The following SEC16A variants were observed in gnomAD, a reference collection of about 807,000 sequenced individuals.
SEC16A encodes protein transport protein Sec16A.
A neutral mutation model predicts 221.9 loss-of-function variants in SEC16A; 110 were observed. The ratio of observed to expected loss-of-function variants is 0.50; its 90% CI spans 0.42 to 0.58. The LOEUF is 0.58. Ranked by LOEUF, SEC16A falls within the 20% of genes least tolerant of loss-of-function variation. The probability of loss-of-function intolerance (pLI) is 0.00; values close to 1 mark genes in which losing one functional copy is unlikely to be tolerated. For missense variants in SEC16A, 3,165 were observed against 3,097.8 expected, an observed-to-expected ratio of 1.02 and a Z score of -0.52; for synonymous variants, 1,393 against 1,257.7, an observed-to-expected ratio of 1.11 and a Z score of -2.28.
In SEC16A at chr9:136,466,229, AACCGT is replaced by A; in HGVS notation, c.4128+30_4128+34del. 1 of 1,583,786 alleles carries A rather than the reference AACCGT, an allele frequency of 6.3e-7. No homozygotes were observed. Among genetic ancestry groups the A allele is most frequent in the Non-Finnish European group, 8.6e-7 (1 of 1,162,716 alleles). The stretch of plus-strand genomic sequence containing the variant: ...CAAACAGGATGGTGGTTCTAAACAC[AACCGT>A]CCGCGTGTCTGTGAGGCGCCGCCGC... On this transcript the variant is annotated intron_variant, in intron 7 of 31. Coordinates refer to ENST00000684901, the MANE Select transcript of SEC16A (RefSeq NM_014866.2). This position sits in a 1 kb window ranked among gnomAD's most constrained non-coding sequence, Gnocchi z 5.5.
In SEC16A at chr9:136,474,588, T is replaced by TTCTGAGAATGG; in HGVS notation, c.3027_3028insCCATTCTCAGA (p.Asn1010ProfsTer458). 1 of 1,612,948 alleles carries TTCTGAGAATGG rather than the reference T, an allele frequency of 6.2e-7. No individual in the cohort carries two copies. The highest frequency in any genetic ancestry group is 8.5e-7 in the Non-Finnish European group (1 of 1,179,818). Reference sequence around the variant, plus strand: ...GCGAGGCTGTCAGAATGGGACGGGTTGTACACGTTTACAGGATTTTCCAAA... The same window carrying TTCTGAGAATGG: ...GCGAGGCTGTCAGAATGGGACGGGTTTCTGAGAATGGGTACACGTTTACAGGATTTTCCAAA... On this transcript the variant is annotated frameshift_variant, in exon 3 of 32. Coordinates refer to ENST00000684901, the MANE Select transcript of SEC16A (RefSeq NM_014866.2). LOFTEE classifies it high-confidence loss of function.
At chr9:136,443,203 T>A (rs1192059645) in intron 31 of SEC16A, among the ~76,000 whole-genome samples, 1 of 149,660 alleles carries the variant, frequency 6.7e-6, no homozygotes, top group Non-Finnish European at 1.5e-5. Context: ...GCAAAGCGAA[T>A]ACAGGAGCAC....
intron 20 of SEC16A, 31 bp from the exon 21 acceptor site, chr9:136,454,358 G>T: frequency 6.5e-7 from 1 of 1,541,870 alleles, no homozygotes; most frequent in South Asian, 1.2e-5. Flanking sequence ...AGAGGTCTGG[G>T]GTTACTGAGG....
intron 20 of SEC16A, among the ~76,000 whole-genome samples, chr9:136,454,739 C>T (rs1838366946): frequency 6.6e-6 from 1 of 152,246 alleles, no homozygotes; most frequent in African/African-American, 2.4e-5. Context: ...CCTACCAGCA[C>T]CATGCTGGGC....
chr9:136,484,554 G>C, upstream of SEC16A: 1 of 1,311,414 alleles, frequency 7.6e-7, no homozygotes, highest in Non-Finnish European at 1.0e-6. Context: ...GGGGGTGCCC[G>C]CCCGATGGCA....
At chr9:136,448,599 T>C in intron 23 of SEC16A, 2 of 636,422 alleles carry the variant, frequency 3.1e-6, no homozygotes, top group South Asian at 1.5e-5. Flanking sequence ...AGGATGGAGG[T>C]GGGGAGCAGA....
In SEC16A at chr9:136,458,255, C is replaced by T. The variant is rs552253256; in HGVS notation, c.5410-671G>A. Among the ~76,000 whole-genome samples, 31 of 152,036 alleles carry T rather than the reference C, an allele frequency of 2.0e-4. No individual in the cohort carries two copies. In the South Asian group the frequency reaches 5.0e-3, roughly 24 times the overall value. The stretch of plus-strand genomic sequence containing the variant: ...AAGTGCTGGGATTACAGGCATGAGC[C>T]GCCATGCTCAGCCTCTCATGTATGT... On this transcript the variant is annotated intron_variant, in intron 17 of 31. Transcript: ENST00000684901.
chr9:136,452,769 GAAAAAAAAAAAA>G (rs35228326), intron 22 of SEC16A, among the ~76,000 whole-genome samples: 1 of 77,942 alleles, frequency 1.3e-5, no homozygotes, highest in African/African-American at 5.2e-5. Flanking sequence ...ATGTCTTAGG[GAAAAAAAAAAAA>G]AAAAAAAAAG....
intron 23 of SEC16A, chr9:136,448,389 CCA>C: frequency 1.5e-6 from 1 of 684,186 alleles, no homozygotes. Context: ...GGGGGGCGAT[CCA>C]CAGAGACACC....
At position 136,446,922 on chromosome 9, in the gene SEC16A, C is replaced by T; in HGVS notation, c.6725G>A (p.Gly2242Glu). 3 of 1,613,700 alleles carry T rather than the reference C, an allele frequency of 1.9e-6. No individual in the cohort carries two copies. The highest frequency in any genetic ancestry group is 2.5e-6 in the Non-Finnish European group (3 of 1,179,854). The change falls in exon 28 of 32, where the codon GGG becomes GAG. Residue 2242 changes from glycine (G) to glutamate (E), a missense_variant. Around this residue, in one of 3 missense-constraint regions of SEC16A, gnomAD observed 1,088 missense variants for 1,089.6 expected, o/e 1.00. Transcript: ENST00000684901. ...PDAEEPQLPD[G>E]TGREGPAAAR... is the part of the protein sequence containing the mutation. ...TGCTGCAGGCCCTTCCCTGCCAGTCCCGTCTGGAAGCTGTGGTTCTTCTGC... is the reference window on the plus strand; with the variant it reads ...TGCTGCAGGCCCTTCCCTGCCAGTCTCGTCTGGAAGCTGTGGTTCTTCTGC...
Position 136,475,997 on chromosome 9 carries a change from T to C in SEC16A, c.1619A>G (p.Gln540Arg), listed in dbSNP as rs950881369. Residue 540 changes from glutamine (Q) to arginine (R), a missense_variant, in exon 3 of 32, where the codon CAG (glutamine) becomes CGG (arginine). By Grantham distance (43) the Gln-to-Arg change is conservative. Around this residue, in one of 3 missense-constraint regions of SEC16A, gnomAD observed 2,030 missense variants for 1,923.1 expected, o/e 1.06. Transcript: ENST00000684901. The surrounding 1 kb of genome is among the most constrained non-coding windows in gnomAD (Gnocchi z 5.0). The stretch of plus-strand genomic sequence containing the variant: ...CTGAATGAATGTGCCAACCAGCTCC[T>C]GGGGCCTGGCTGAGCCTGAGAGCCT... ...HGRLSGSARP[Q>R]ELVGTFIQQE... 6.2e-7 allele frequency: 1 copy of C among 1,613,548 alleles called. No individual in the cohort carries two copies. Among genetic ancestry groups the C allele is most frequent in the Non-Finnish European group, 8.5e-7 (1 of 1,179,902 alleles).
chr9:136,481,443 A>T (rs1440817394), intron 1 of SEC16A, among the ~76,000 whole-genome samples: 1 of 152,120 alleles, frequency 6.6e-6, no homozygotes, highest in Non-Finnish European at 1.5e-5. Flanking sequence ...CGGCCCAGGG[A>T]ATTTTATTCT....
rs749311356 is a variant in SEC16A, at chr9:136,475,536, C to T, written c.2080G>A (p.Ala694Thr). Residue 694 changes from alanine to threonine, a missense_variant, in exon 3 of 32, where the codon GCA becomes ACA. Ala to Thr is a moderately conservative substitution (Grantham distance 58). This residue lies in a region of SEC16A where 2,030 missense variants were observed against 1,923.1 expected (regional missense o/e 1.06). Coordinates refer to ENST00000684901, the MANE Select transcript of SEC16A (RefSeq NM_014866.2). The surrounding 1 kb of genome is among the most constrained non-coding windows in gnomAD (Gnocchi z 5.0). The part of the protein sequence containing the change: ...EAVHMLPHAG[A>T]PPLDTVYPAP... ...GGATACACAGTATCCAAGGGCGGTG[C>T]CCCTGCGTGCGGAAGCATGTGCACA... 1 of 1,613,266 alleles carries T rather than the reference C, an allele frequency of 6.2e-7. No homozygotes were observed. The highest frequency in any genetic ancestry group is 1.1e-5 in the South Asian group (1 of 90,974).
Position 136,459,386 on chromosome 9 carries a change from G to A in SEC16A, c.5303+58C>T, listed in dbSNP as rs1455173137. On this transcript the variant is annotated intron_variant, in intron 16 of 31. Coordinates refer to ENST00000684901, the MANE Select transcript of SEC16A (RefSeq NM_014866.2). This position sits in a 1 kb window ranked among gnomAD's most constrained non-coding sequence, Gnocchi z 6.1. ...CATTTCTGAATTCACTAAAGGAGAAGGATTTTGTTTTACTTTGAAAGGAAA... is the reference window on the plus strand; with the variant it reads ...CATTTCTGAATTCACTAAAGGAGAAAGATTTTGTTTTACTTTGAAAGGAAA... The A allele has an allele frequency of 1.2e-5, 17 of 1,447,890 alleles. No individual in the cohort carries two copies. In the Middle Eastern group the frequency reaches 5.3e-4, roughly 45 times the overall value. 89.7% of individuals were successfully genotyped at this position (1,447,890 alleles called of 1,614,324 possible).
At position 136,476,438 on chromosome 9, in the gene SEC16A, C is replaced by T. The variant is rs373703673; in HGVS notation, c.1178G>A (p.Gly393Asp). ...GTCAAAGTCCGCTTGACCAGATAAG[C>T]CTGCTTTTTCAGATGAGAGATTCTC... ...NEENLSSEKAGLSGQADFDDF... is the reference protein window; with the variant it reads ...NEENLSSEKADLSGQADFDDF... Residue 393 changes from glycine (G) to aspartate (D), a missense_variant, in exon 3 of 32, where the codon GGC becomes GAC. Gly to Asp is a moderately conservative substitution (Grantham distance 94, BLOSUM62 -1). Around this residue, in one of 3 missense-constraint regions of SEC16A, gnomAD observed 2,030 missense variants for 1,923.1 expected, o/e 1.06. Coordinates refer to ENST00000684901, the MANE Select transcript of SEC16A (RefSeq NM_014866.2). The T allele has an allele frequency of 6.0e-4, 969 of 1,613,082 alleles. 15 individuals carry two copies. The South Asian group carries it at 0.01, about 17-fold the overall frequency.
At position 136,474,748 on chromosome 9, in the gene SEC16A, A is replaced by G. The variant is rs6560631; in HGVS notation, c.2868T>C (p.Asn956=). 4.6e-3 allele frequency: 7,376 copies of G among 1,613,908 alleles called. 312 individuals are homozygous for G. The African/African-American group carries it at 0.082, about 18-fold the overall frequency. ...CCACACTTGTGCTTCCAGCAGGGCT[A>G]TTAGCAAATCCGGGAAGAGCACTTC... ...KAGSALPGFA[N]SPAGSTSVVL... The change falls in exon 3 of 32, where the codon AAT becomes AAC. Residue 956 remains asparagine, a synonymous_variant. Transcript: ENST00000684901.
intron 22 of SEC16A, among the ~76,000 whole-genome samples, chr9:136,452,211 G>A (rs1005389065): frequency 6.6e-6 from 1 of 152,042 alleles, no homozygotes; most frequent in Admixed American, 6.6e-5. Context: ...CACTTTGGGA[G>A]GCTGAGGCAG....
intron 28 of SEC16A, among the ~76,000 whole-genome samples, chr9:136,446,288 T>C (rs966548194): frequency 2.0e-5 from 3 of 151,710 alleles, no homozygotes; most frequent in Non-Finnish European, 1.5e-5. Flanking sequence ...GTTTTTTTTT[T>C]AGTAGAGATG....
chr9:136,484,642 G>A (rs770077360), upstream of SEC16A: 2 of 1,365,282 alleles, frequency 1.5e-6, no homozygotes, highest in Non-Finnish European at 9.8e-7. Context: ...CTGGGCCGGC[G>A]GCTGGTGAGG....
Sources: gnomAD v4.1 joint callset for allele counts (sites outside exome capture counted in the v4.1 genomes callset) on GRCh38, gnomAD v4.1.1 for gene constraint, gnomAD v4.1.1 regional missense constraint, Gnocchi (gnomAD v3.1) non-coding constraint, MANE v1.5 for transcripts, NCBI Gene and HGNC (gene_info 2026-07-23, HGNC 2026-07-21) for gene names.